NFIA: variants seen among roughly 807,000 people sequenced by gnomAD.
The protein encoded by NFIA is nuclear factor 1 A-type.
In NFIA, 8 loss-of-function variants were observed where a neutral mutation model predicts 62.8. That is an observed-to-expected ratio of 0.13 (90% CI 0.07 to 0.23). NFIA has a LOEUF of 0.23. NFIA is among the 10% of genes least tolerant of loss of function. The probability of loss-of-function intolerance (pLI) is 1.00; values close to 1 mark genes in which losing one functional copy is unlikely to be tolerated. For synonymous variants in NFIA, 235 were observed against 238.1 expected (o/e 0.99, Z 0.12); for missense variants, 410 against 642.1 (o/e 0.64, Z 3.91).
At chr1:61,221,477 A>T (rs1354287842) in intron 2 of NFIA, among the ~76,000 whole-genome samples, 2 of 152,136 alleles carry the variant, frequency 1.3e-5, no homozygotes, top group Non-Finnish European at 2.9e-5. Flanking sequence ...TTATTTAAAA[A>T]TTTTTATTTT....
chr1:61,139,959 A>G (rs906779811), intron 2 of NFIA, among the ~76,000 whole-genome samples: 2 of 152,062 alleles, frequency 1.3e-5, no homozygotes, highest in Non-Finnish European at 2.9e-5. Context: ...CAGTGGAAGA[A>G]TAGCTCTTCC....
At chr1:61,363,904 A>G (rs1173011721) in intron 6 of NFIA, among the ~76,000 whole-genome samples, 3 of 151,602 alleles carry the variant, frequency 2.0e-5, no homozygotes, top group South Asian at 2.1e-4. Context: ...CCATCATCCT[A>G]TAACTCACAA....
At chr1:61,349,374 T>C (rs1662426195) in intron 4 of NFIA, among the ~76,000 whole-genome samples, 1 of 152,186 alleles carries the variant, frequency 6.6e-6, no homozygotes, top group Admixed American at 6.5e-5. Context: ...GGTTTATTCA[T>C]TGGTATTAAT....
chr1:61,393,021 G>C (rs955690934), intron 7 of NFIA, among the ~76,000 whole-genome samples: 4 of 151,958 alleles, frequency 2.6e-5, no homozygotes, highest in Non-Finnish European at 5.9e-5. Flanking sequence ...TCTGAGCAAG[G>C]TTTCTTAGAA....
intron 6 of NFIA, among the ~76,000 whole-genome samples, chr1:61,372,569 T>C (rs1209541325): frequency 2.5e-5 from 3 of 119,346 alleles, no homozygotes; most frequent in African/African-American, 3.6e-5. Flanking sequence ...TGATATGTCA[T>C]TGTTGTTAAA....
intron 3 of NFIA, among the ~76,000 whole-genome samples, chr1:61,328,876 C>G (rs1221781978): frequency 6.6e-6 from 1 of 151,264 alleles, no homozygotes; most frequent in Non-Finnish European, 1.5e-5. Flanking sequence ...GTACACGTCA[C>G]TACAGCCGGC....
chr1:61,294,381 G>C (rs1659071978), intron 3 of NFIA, among the ~76,000 whole-genome samples: 1 of 152,144 alleles, frequency 6.6e-6, no homozygotes, highest in Admixed American at 6.6e-5. Context: ...TGAGAGCCTT[G>C]ATGTTCGGTT....
intron 4 of NFIA, among the ~76,000 whole-genome samples, chr1:61,333,068 T>TACACACAC (rs34809808): frequency 1.4e-4 from 18 of 132,596 alleles, no homozygotes; most frequent in African/African-American, 4.0e-4. Flanking sequence ...CACACACACA[T>TACACACAC]ACACACACAC....
chr1:61,446,741 T>G (rs1667828196), intron 10 of NFIA, among the ~76,000 whole-genome samples: 1 of 152,316 alleles, frequency 6.6e-6, no homozygotes, highest in East Asian at 1.9e-4. Flanking sequence ...AACTGGACTT[T>G]TTACTTCAAT....
chr1:61,277,190 C>T (rs866435518), intron 2 of NFIA, among the ~76,000 whole-genome samples: 1 of 152,158 alleles, frequency 6.6e-6, no homozygotes, highest in Non-Finnish European at 1.5e-5. Flanking sequence ...CTTTATCAGA[C>T]TCGAGTGTAT....
Position 61,372,734 on chromosome 1 carries a change from C to T in NFIA, c.947-10503C>T, listed in dbSNP as rs1043698021. On this transcript the variant is annotated intron_variant, in intron 6 of 10. Coordinates refer to ENST00000403491, the MANE Select transcript of NFIA (RefSeq NM_001134673.4). ...GTGTGGTCCTTTTACATCCATGAAG[C>T]TGCATTTGAGGTAAGTGGTTCATAC... Among the ~76,000 whole-genome samples the T allele has an allele frequency of 3.4e-4, 52 of 152,168 alleles. 1 individual carries two copies. Among genetic ancestry groups the T allele is most frequent in the African/African-American group, 1.2e-3 (49 of 41,514 alleles).
chr1:61,381,047 A>G (rs1664386552), intron 6 of NFIA, among the ~76,000 whole-genome samples: 3 of 152,002 alleles, frequency 2.0e-5, no homozygotes, highest in Non-Finnish European at 4.4e-5. Context: ...GCCATTTGCT[A>G]TCATCAATAA....
chr1:61,239,288 G>T (rs1434079728), intron 2 of NFIA, among the ~76,000 whole-genome samples: 1 of 152,048 alleles, frequency 6.6e-6, no homozygotes, highest in African/African-American at 2.4e-5. Flanking sequence ...GCAGATTTTG[G>T]TTTCTTTGAA....
intron 4 of NFIA, among the ~76,000 whole-genome samples, chr1:61,332,809 T>C (rs1437482308): frequency 6.6e-6 from 1 of 152,164 alleles, no homozygotes; most frequent in African/African-American, 2.4e-5. Context: ...ATCCTGAGGG[T>C]CTCATATATT....
At chr1:61,269,200 C>A (rs1657362371) in intron 2 of NFIA, among the ~76,000 whole-genome samples, 1 of 149,522 alleles carries the variant, frequency 6.7e-6, no homozygotes. Flanking sequence ...CACTGTTCAA[C>A]TCTTCACGTA....
At chr1:61,277,260 T>C (rs1657858495) in intron 2 of NFIA, among the ~76,000 whole-genome samples, 1 of 152,204 alleles carries the variant, frequency 6.6e-6, no homozygotes, top group South Asian at 2.1e-4. Context: ...GCTGAAGAGC[T>C]TCAAGTTGTG....
chr1:61,304,578 G>A (rs536902230), intron 3 of NFIA, among the ~76,000 whole-genome samples: 1 of 152,270 alleles, frequency 6.6e-6, no homozygotes, highest in South Asian at 2.1e-4. Flanking sequence ...AATATCCTCA[G>A]GAGGCAGTGG....
Position 61,325,925 on chromosome 1 carries a change from T to A in NFIA, c.626-6587T>A, listed in dbSNP as rs1660909831. 2.2e-5 allele frequency among the ~76,000 whole-genome samples: 2 copies of A among 92,426 alleles called. 1 individual carries two copies. Among genetic ancestry groups the A allele is most frequent in the South Asian group, 9.1e-4 (2 of 2,190 alleles). The allele number at this position is 92,426 out of a possible 152,430, so 60.6% of individuals were successfully genotyped here. A position where few individuals can be genotyped will look rare whatever the true frequency, so the allele number is the denominator to read the frequency against. On this transcript the variant is annotated intron_variant, in intron 3 of 10. Transcript: ENST00000403491. ...TCCAGCCTGGGAGACAGAGCTAGACTCTGTCTCAAAAAAAAAAAAAAAAAA... is the reference window on the plus strand; with the variant it reads ...TCCAGCCTGGGAGACAGAGCTAGACACTGTCTCAAAAAAAAAAAAAAAAAA...
chr1:61,192,633 G>A (rs984013991), intron 2 of NFIA, among the ~76,000 whole-genome samples: 4 of 151,984 alleles, frequency 2.6e-5, no homozygotes, highest in Admixed American at 6.5e-5. Context: ...AACTGGGGAG[G>A]CGGAGGTTGC....
Sources: allele counts gnomAD v4.1 joint callset (sites outside exome capture counted in the v4.1 genomes callset), GRCh38; gene constraint gnomAD v4.1.1; transcripts MANE v1.5; gene names NCBI Gene and HGNC (gene_info 2026-07-23, HGNC 2026-07-21).